Variants in CDC42SE2 observed in about 807,000 individuals in gnomAD.
CDC42SE2 encodes CDC42 small effector 2, also known as CDC42 small effector protein 2.
Under a neutral mutation model 11.5 loss-of-function variants are expected in CDC42SE2, and 3 were observed. That is an observed-to-expected ratio of 0.26 (90% CI 0.12 to 0.67). The LOEUF (loss-of-function observed/expected upper bound fraction) is 0.67, where lower values mean the gene tolerates loss of function less well. Among genes scored for constraint, CDC42SE2 ranks in the 30% least tolerant of loss-of-function variants. CDC42SE2 has a pLI of 0.80. For missense variants in CDC42SE2, 82 were observed against 106.8 expected (o/e 0.77, Z 1.02); for synonymous variants, 33 against 34.8 (o/e 0.95, Z 0.18).
At chr5:131,355,177 A>G (rs530925513) in intron 2 of CDC42SE2, among the ~76,000 whole-genome samples, 1 of 152,322 alleles carries the variant, frequency 6.6e-6, no homozygotes, top group African/African-American at 2.4e-5. Flanking sequence ...TGCTCTTTAT[A>G]ATATATACTG....
the CDC42SE2 span, among the ~76,000 whole-genome samples, chr5:131,240,097 C>T: frequency 1.3e-4 from 20 of 152,198 alleles, no homozygotes; most frequent in Non-Finnish European, 2.8e-4. Flanking sequence ...AATCAGTTAT[C>T]AGCAATTTCT....
chr5:131,336,552 A>G (rs886499094), intron 2 of CDC42SE2, among the ~76,000 whole-genome samples: 45 of 152,290 alleles, frequency 3.0e-4, no homozygotes, highest in Middle Eastern at 3.4e-3. Context: ...CCTGGATAAT[A>G]TCCTGCATAG....
intron 1 of CDC42SE2, among the ~76,000 whole-genome samples, chr5:131,267,751 G>A (rs1162844828): frequency 6.6e-6 from 1 of 152,050 alleles, no homozygotes; most frequent in Non-Finnish European, 1.5e-5. Context: ...ATAGGTTGCT[G>A]TTATGTTTTA....
rs571729677 is a variant in CDC42SE2, at chr5:131,348,023, C to A, written c.-285-11186C>A. 1.9e-3 allele frequency among the ~76,000 whole-genome samples: 291 copies of A among 152,282 alleles called. 1 individual carries two copies. The highest frequency in any genetic ancestry group is 6.6e-3 in the African/African-American group (276 of 41,544). ...AATAATAAGAGTTATCTATGACACA[C>A]CCACAGCCAGTATCATACTGAATGG... is the stretch of plus-strand genomic sequence containing the variant. On this transcript the variant is annotated intron_variant, in intron 2 of 4. Coordinates refer to ENST00000505065, the MANE Select transcript of CDC42SE2 (RefSeq NM_001375635.1).
chr5:131,274,805 G>T (rs1245356023), intron 1 of CDC42SE2, among the ~76,000 whole-genome samples: 1 of 152,100 alleles, frequency 6.6e-6, no homozygotes, highest in African/African-American at 2.4e-5. Context: ...TTGCTTTAGT[G>T]CTAGTAGGAA....
the CDC42SE2 span, among the ~76,000 whole-genome samples, chr5:131,221,380 A>G: frequency 5.9e-5 from 9 of 152,036 alleles, no homozygotes; most frequent in South Asian, 6.2e-4. Context: ...TATTCTTCCA[A>G]TGTGGCCCAG....
intron 1 of CDC42SE2, among the ~76,000 whole-genome samples, chr5:131,265,936 C>T (rs149790764): frequency 6.6e-6 from 1 of 152,028 alleles, no homozygotes; most frequent in Admixed American, 6.6e-5. Context: ...TTAAAAATCC[C>T]CAGAGATAAA....
Position 131,392,539 on chromosome 5 carries a change from A to C in CDC42SE2, c.*1448A>C, listed in dbSNP as rs1401943493. The C allele has an allele frequency of 6.6e-6, 1 of 151,374 alleles. No individual in the cohort carries two copies. Among genetic ancestry groups the C allele is most frequent in the Admixed American group, 6.6e-5 (1 of 15,208 alleles). 9.4% of individuals were successfully genotyped at this position (151,374 alleles called of 1,614,324 possible). A position where few individuals can be genotyped will look rare whatever the true frequency, so the allele number is the denominator to read the frequency against. ...TTGGTCTGTTTGATTGATTGATTAG[A>C]ATTGCAATAAAAGAAAAGCTTGCAT... On this transcript the variant is annotated 3_prime_UTR_variant, in exon 5 of 5. Coordinates refer to ENST00000505065, the MANE Select transcript of CDC42SE2 (RefSeq NM_001375635.1).
chr5:131,360,738 G>T (rs1156454642), intron 3 of CDC42SE2, among the ~76,000 whole-genome samples: 1 of 152,064 alleles, frequency 6.6e-6, no homozygotes, highest in African/African-American at 2.4e-5. Flanking sequence ...TTGTAACAAC[G>T]TAAGAGGAAA....
At chr5:131,241,474 C>T (rs570265605), upstream of CDC42SE2, among the ~76,000 whole-genome samples, 99 of 152,228 alleles carry the variant, frequency 6.5e-4, no homozygotes, top group African/African-American at 2.3e-3. Context: ...CTTTAGACTT[C>T]ATCACATCCC....
At chr5:131,344,112 A>C (rs1174539099) in intron 2 of CDC42SE2, among the ~76,000 whole-genome samples, 1 of 152,152 alleles carries the variant, frequency 6.6e-6, no homozygotes, top group Non-Finnish European at 1.5e-5. Context: ...ACGCAGAAGA[A>C]GGGTGATTTC....
intron 1 of CDC42SE2, among the ~76,000 whole-genome samples, chr5:131,287,455 AT>A (rs1233395275): frequency 4.7e-5 from 7 of 148,338 alleles, no homozygotes; most frequent in Non-Finnish European, 9.0e-5. Flanking sequence ...TGTTTGTAGA[AT>A]TTTTTTTCTT....
rs148354795 is a variant in CDC42SE2 at position 131,268,054 on chromosome 5, C to CTTTTTTTTT, written c.-455+3907_-455+3915dup. Reference sequence around the variant, plus strand: ...AGAGAAGTACATGTACATGCTTATTCTTTTTTTTTTTTTTTTTTTTTTTTT... The same window carrying CTTTTTTTTT: ...AGAGAAGTACATGTACATGCTTATTCTTTTTTTTTTTTTTTTTTTTTTTTTTTTTTTTTT... On this transcript the variant is annotated intron_variant, in intron 1 of 4. Coordinates refer to ENST00000505065, the MANE Select transcript of CDC42SE2 (RefSeq NM_001375635.1). Among the ~76,000 whole-genome samples the CTTTTTTTTT allele has an allele frequency of 7.6e-5, 5 of 65,474 alleles. 1 individual carries two copies. Among genetic ancestry groups the CTTTTTTTTT allele is most frequent in the African/African-American group, 2.9e-4 (4 of 13,602 alleles). The allele number at this position is 65,474 out of a possible 152,430, so 43.0% of individuals were successfully genotyped here.
chr5:131,293,300 G>C (rs1314405492), intron 1 of CDC42SE2, among the ~76,000 whole-genome samples: 1 of 152,178 alleles, frequency 6.6e-6, no homozygotes, highest in Admixed American at 6.6e-5. Flanking sequence ...AGCCGGGCAC[G>C]GTGGCTCACG....
At chr5:131,371,977 A>G (rs1314857576) in intron 3 of CDC42SE2, among the ~76,000 whole-genome samples, 4 of 152,166 alleles carry the variant, frequency 2.6e-5, no homozygotes, top group African/African-American at 9.7e-5. Flanking sequence ...ATTTTAATTT[A>G]TTCGTTTCCC....
In CDC42SE2 at chr5:131,298,275, AT is replaced by A. The variant is rs1301637070; in HGVS notation, c.-454-17691del. Among the ~76,000 whole-genome samples, 7 of 146,378 alleles carry A rather than the reference AT, an allele frequency of 4.8e-5. No individual in the cohort carries two copies. The East Asian group carries it at 6.0e-4, about 12-fold the overall frequency. On this transcript the variant is annotated intron_variant, in intron 1 of 4. Transcript: ENST00000505065. ...GCACCACCATGCCTGGCTAATTTTT[AT>A]TTTTTTTTTAAGTAGAGATGGGGTT...
At chr5:131,292,096 A>G (rs1353700690) in intron 1 of CDC42SE2, among the ~76,000 whole-genome samples, 1 of 151,634 alleles carries the variant, frequency 6.6e-6, no homozygotes, top group Non-Finnish European at 1.5e-5. Flanking sequence ...AAAATTAGCT[A>G]GGCATGGTGG....
At chr5:131,345,234 C>T (rs560187527) in intron 2 of CDC42SE2, among the ~76,000 whole-genome samples, 51 of 152,138 alleles carry the variant, frequency 3.4e-4, no homozygotes, top group Non-Finnish European at 5.3e-4. Flanking sequence ...TCGAACCTAT[C>T]GCAAAGAAGC....
chr5:131,335,131 G>A (rs1316334057), intron 2 of CDC42SE2, among the ~76,000 whole-genome samples: 1 of 152,138 alleles, frequency 6.6e-6, no homozygotes, highest in African/African-American at 2.4e-5. Flanking sequence ...TCTACACACT[G>A]CTTTGAATGT....
Sources: gnomAD v4.1 joint callset for allele counts (sites outside exome capture counted in the v4.1 genomes callset) on GRCh38, gnomAD v4.1.1 for gene constraint, MANE v1.5 for transcripts, NCBI Gene and HGNC (gene_info 2026-07-23, HGNC 2026-07-21) for gene names.